The following DYM variants were observed in gnomAD, a reference collection of about 807,000 sequenced individuals.
The protein encoded by DYM is dymeclin, also known as dyggve-Melchior-Clausen syndrome protein.
Under a neutral mutation model 93.1 loss-of-function variants are expected in DYM, and 78 were observed. The observed-to-expected ratio is 0.84, with a 90% CI of 0.70 to 1.01. The LOEUF (loss-of-function observed/expected upper bound fraction) is 1.01. Ranked by LOEUF, DYM falls within the 50% of genes least tolerant of loss-of-function variation. The probability of loss-of-function intolerance (pLI) is 0.00; values close to 1 mark genes in which losing one functional copy is unlikely to be tolerated. For synonymous variants in DYM, 321 were observed against 319.7 expected (o/e 1.00, Z -0.04); for missense variants, 789 against 845.0 (o/e 0.93, Z 0.82).
At chr18:49,204,162 A>C (rs2092345788) in intron 14 of DYM, among the ~76,000 whole-genome samples, 1 of 152,260 alleles carries the variant, frequency 6.6e-6, no homozygotes, top group African/African-American at 2.4e-5. Flanking sequence ...CCAAAAGGTC[A>C]GGAACCACTG....
At chr18:49,284,276 C>T (rs955517658) in intron 9 of DYM, among the ~76,000 whole-genome samples, 5 of 152,192 alleles carry the variant, frequency 3.3e-5, no homozygotes, top group African/African-American at 2.4e-5. Flanking sequence ...TTAACCCATA[C>T]ATCAAACATG....
chr18:49,060,783 GAGA>G (rs2144637938), intron 17 of DYM, among the ~76,000 whole-genome samples: 1 of 150,670 alleles, frequency 6.6e-6, no homozygotes, highest in East Asian at 2.0e-4. Context: ...GAGGGAGAGG[GAGA>G]AGGAGGGAGA....
At chr18:49,176,435 G>A (rs2089386384) in intron 14 of DYM, among the ~76,000 whole-genome samples, 1 of 151,652 alleles carries the variant, frequency 6.6e-6, no homozygotes, top group Non-Finnish European at 1.5e-5. Context: ...TTAAGAAACA[G>A]GGTCTCATTC....
intron 1 of DYM, 60 bp from the exon 2 acceptor site, chr18:49,430,507 C>CT (rs2074712050): frequency 7.7e-7 from 1 of 1,296,580 alleles, no homozygotes; most frequent in Non-Finnish European, 1.1e-6. Context: ...CTTTGTCTAC[C>CT]TATAAAAAAA....
At chr18:49,450,797 C>G (rs1321082284) in intron 1 of DYM, among the ~76,000 whole-genome samples, 2 of 152,170 alleles carry the variant, frequency 1.3e-5, no homozygotes, top group East Asian at 1.9e-4. Flanking sequence ...GTTAACTAAA[C>G]TTTTTCCGTC....
In DYM at chr18:49,225,124, C is replaced by T. The variant is rs191693727; in HGVS notation, c.1461-15409G>A. Reference sequence around the variant, plus strand: ...CTGAATGTAAGACTTCCTGAGATATCGTTAATCCCATTGATTAGCTCATTC... The same window carrying T: ...CTGAATGTAAGACTTCCTGAGATATTGTTAATCCCATTGATTAGCTCATTC... On this transcript the variant is annotated intron_variant, in intron 13 of 17. Coordinates refer to ENST00000675505, the MANE Select transcript of DYM (RefSeq NM_001353214.3). Among the ~76,000 whole-genome samples the T allele has an allele frequency of 1.2e-4, 18 of 152,212 alleles. No homozygotes were observed. In the South Asian group the frequency reaches 2.9e-3, roughly 25 times the overall value.
chr18:49,145,134 T>TATATATATATATACATATATAA, intron 15 of DYM, among the ~76,000 whole-genome samples: 1 of 79,570 alleles, frequency 1.3e-5, no homozygotes, highest in South Asian at 4.1e-4. Context: ...TATATATATA[T>TATATATATATATACATATATAA]AATTTATATA....
chr18:49,091,895 G>A (rs1190733559), intron 17 of DYM, among the ~76,000 whole-genome samples: 1 of 152,030 alleles, frequency 6.6e-6, no homozygotes, highest in Non-Finnish European at 1.5e-5. Context: ...TTACAGGTGT[G>A]AGCCACTGCG....
intron 17 of DYM, among the ~76,000 whole-genome samples, chr18:49,068,186 T>C (rs1025348269): frequency 3.9e-5 from 6 of 152,112 alleles, no homozygotes; most frequent in South Asian, 4.1e-4. Context: ...AGAAAAGCCA[T>C]GTGTAGTACA....
chr18:49,356,543 C>T (rs1002179940), intron 6 of DYM, among the ~76,000 whole-genome samples: 38 of 152,304 alleles, frequency 2.5e-4, no homozygotes, highest in African/African-American at 6.3e-4. Flanking sequence ...ACCCACCTTA[C>T]GGCTAGATTC....
At chr18:49,302,860 T>C (rs559283851) in intron 8 of DYM, among the ~76,000 whole-genome samples, 1 of 152,210 alleles carries the variant, frequency 6.6e-6, no homozygotes, top group Non-Finnish European at 1.5e-5. Context: ...ATGCCTCTCC[T>C]ACTCCAAAAC....
intron 15 of DYM, among the ~76,000 whole-genome samples, chr18:49,142,463 A>G (rs2144481860): frequency 6.6e-6 from 1 of 152,344 alleles, no homozygotes; most frequent in South Asian, 2.1e-4. Context: ...TGACTTAAGA[A>G]ATGAGAATTT....
At chr18:49,298,143 C>T (rs888547593) in intron 8 of DYM, among the ~76,000 whole-genome samples, 2 of 148,600 alleles carry the variant, frequency 1.3e-5, no homozygotes, top group Admixed American at 6.8e-5. Flanking sequence ...ACACAAAACA[C>T]GATATTACTA....
intron 8 of DYM, among the ~76,000 whole-genome samples, chr18:49,309,069 G>A (rs377157040): frequency 3.3e-5 from 5 of 152,130 alleles, no homozygotes; most frequent in South Asian, 2.1e-4. Flanking sequence ...TTAGCATTAC[G>A]TTAGTATTGT....
chr18:49,328,978 A>G (rs530296580), intron 8 of DYM, among the ~76,000 whole-genome samples: 2,667 of 152,188 alleles, frequency 0.018, 88 homozygotes, highest in African/African-American at 0.061. Flanking sequence ...AAAGACACAC[A>G]CACACATATG....
chr18:49,325,376 G>A (rs1385030598), intron 8 of DYM, among the ~76,000 whole-genome samples: 1 of 152,090 alleles, frequency 6.6e-6, no homozygotes, highest in African/African-American at 2.4e-5. Context: ...TATTTTACAC[G>A]TGACAGCTAC....
intron 8 of DYM, among the ~76,000 whole-genome samples, chr18:49,287,566 A>G (rs1170033460): frequency 5.9e-5 from 9 of 151,950 alleles, no homozygotes; most frequent in Admixed American, 6.6e-5. Flanking sequence ...CATTATTTGC[A>G]AGCAATATTC....
At chr18:49,319,278 G>GA (rs1420046748) in intron 8 of DYM, among the ~76,000 whole-genome samples, 2 of 152,144 alleles carry the variant, frequency 1.3e-5, no homozygotes, top group African/African-American at 2.4e-5. Flanking sequence ...TAATTGTCCT[G>GA]AAAAATGTTA....
Position 49,379,647 on chromosome 18 carries a change from T to C in DYM, c.287+18A>G. On this transcript the variant is annotated intron_variant, in intron 4 of 17. Coordinates refer to ENST00000675505, the MANE Select transcript of DYM (RefSeq NM_001353214.3). ...ATTGTTAAATATAAAGCAAACATGG[T>C]TTAATTAGCCAGCTTACTTCTGACA... 6.3e-7 allele frequency: 1 copy of C among 1,585,254 alleles called. No homozygotes were observed. The highest frequency in any genetic ancestry group is 8.7e-7 in the Non-Finnish European group (1 of 1,154,058).
Sources: allele counts gnomAD v4.1 joint callset (sites outside exome capture counted in the v4.1 genomes callset), GRCh38; gene constraint gnomAD v4.1.1; transcripts MANE v1.5; gene names NCBI Gene and HGNC (gene_info 2026-07-23, HGNC 2026-07-21).